Variants in GLRA1 observed in about 807,000 individuals in gnomAD.
GLRA1 encodes the protein glycine receptor alpha 1, also known as glycine receptor subunit alpha-1.
GLRA1 carries 37 observed loss-of-function variants against 48.3 expected under a neutral mutation model. The observed-to-expected ratio is 0.77, with a 90% CI of 0.59 to 1.01. The LOEUF (loss-of-function observed/expected upper bound fraction) is 1.01. GLRA1 is among the 50% of genes least tolerant of loss of function. The pLI, the probability that GLRA1 is intolerant of heterozygous loss-of-function variation, is 0.00. For missense variants in GLRA1, 427 were observed against 571.0 expected, an observed-to-expected ratio of 0.75 and a Z score of 2.57; for synonymous variants, 196 against 210.7, an observed-to-expected ratio of 0.93 and a Z score of 0.60.
intron 6 of GLRA1, among the ~76,000 whole-genome samples, chr5:151,852,049 G>T (rs1424273098): frequency 6.6e-6 from 1 of 151,856 alleles, no homozygotes; most frequent in Non-Finnish European, 1.5e-5. Context: ...AAAACCTTTG[G>T]TCTCATCCTT....
intron 4 of GLRA1, among the ~76,000 whole-genome samples, chr5:151,858,397 C>G (rs1225684729): frequency 6.6e-6 from 1 of 152,160 alleles, no homozygotes. Flanking sequence ...TTGGAAATGT[C>G]ACTTTCTGCT....
At chr5:151,861,052 G>A (rs186978170) in intron 3 of GLRA1, among the ~76,000 whole-genome samples, 61 of 152,338 alleles carry the variant, frequency 4.0e-4, no homozygotes, top group Middle Eastern at 6.8e-3. Flanking sequence ...TAAAGGACAT[G>A]CACTCATCCT....
At chr5:151,837,505 A>G (rs997596512) in intron 7 of GLRA1, among the ~76,000 whole-genome samples, 9 of 152,216 alleles carry the variant, frequency 5.9e-5, no homozygotes, top group Admixed American at 5.9e-4. Flanking sequence ...ATAAAGACAC[A>G]TGCACACGTA....
At chr5:151,861,596 T>C (rs919836535) in intron 3 of GLRA1, among the ~76,000 whole-genome samples, 1 of 152,204 alleles carries the variant, frequency 6.6e-6, no homozygotes, top group Non-Finnish European at 1.5e-5. Context: ...GCTTGTAAAT[T>C]TGTTTGAGTT....
At chr5:151,898,096 C>T (rs1047424948) in intron 1 of GLRA1, among the ~76,000 whole-genome samples, 6 of 152,134 alleles carry the variant, frequency 3.9e-5, no homozygotes, top group African/African-American at 1.4e-4. Context: ...GTGTGACCTT[C>T]AGTGAGTCAC....
At chr5:151,910,123 G>A (rs1429297788) in intron 1 of GLRA1, among the ~76,000 whole-genome samples, 1 of 152,046 alleles carries the variant, frequency 6.6e-6, no homozygotes, top group Non-Finnish European at 1.5e-5. Context: ...CTAAATACAC[G>A]AAATAGTTTC....
intron 1 of GLRA1, among the ~76,000 whole-genome samples, chr5:151,907,072 G>T (rs1424826085): frequency 6.6e-6 from 1 of 152,172 alleles, no homozygotes; most frequent in African/African-American, 2.4e-5. Context: ...GACAGCTGAG[G>T]AGTGGGCTGG....
intron 7 of GLRA1, among the ~76,000 whole-genome samples, chr5:151,833,834 G>C (rs1253885828): frequency 7.4e-6 from 1 of 134,330 alleles, no homozygotes; most frequent in Admixed American, 7.5e-5. Context: ...TGCAATCCTA[G>C]TTTCTGATAA....
intron 3 of GLRA1, among the ~76,000 whole-genome samples, chr5:151,879,710 A>G (rs1441633378): frequency 6.6e-6 from 1 of 152,148 alleles, no homozygotes; most frequent in East Asian, 1.9e-4. Flanking sequence ...TTGTCTTGGA[A>G]GAGACTTTGG....
intron 3 of GLRA1, among the ~76,000 whole-genome samples, chr5:151,878,116 A>C (rs565021254): frequency 1.3e-5 from 2 of 152,342 alleles, no homozygotes; most frequent in Non-Finnish European, 2.9e-5. Context: ...TAGAATGCTG[A>C]TAGCAATATG....
At chr5:151,893,329 TTTCTTTC>T (rs1256740456) in intron 1 of GLRA1, among the ~76,000 whole-genome samples, 12 of 149,818 alleles carry the variant, frequency 8.0e-5, no homozygotes, top group Non-Finnish European at 1.3e-4. Flanking sequence ...TCTTTCTTTC[TTTCTTTC>T]TTTCTTTCTT....
intron 5 of GLRA1, 33 bp from the exon 6 acceptor site, chr5:151,855,210 A>C (rs774562316): frequency 6.2e-7 from 1 of 1,608,376 alleles, no homozygotes; most frequent in Non-Finnish European, 8.5e-7. Context: ...AGCAGTCACC[A>C]CTCAGAAGCA....
At chr5:151,833,905 G>C (rs528227425) in intron 7 of GLRA1, among the ~76,000 whole-genome samples, 1 of 151,462 alleles carries the variant, frequency 6.6e-6, no homozygotes, top group Admixed American at 6.6e-5. Context: ...TAATGGTAAA[G>C]GGATCAATGC....
intron 1 of GLRA1, among the ~76,000 whole-genome samples, chr5:151,898,758 G>A (rs1754288251): frequency 6.6e-6 from 1 of 152,204 alleles, no homozygotes; most frequent in Non-Finnish European, 1.5e-5. Flanking sequence ...AGAGGACACT[G>A]TAAAAACGAA....
chr5:151,855,706 T>C (rs1223875744), intron 5 of GLRA1, among the ~76,000 whole-genome samples: 1 of 152,224 alleles, frequency 6.6e-6, no homozygotes, highest in African/African-American at 2.4e-5. Context: ...AAGGAAATGG[T>C]CCATTAGTTC....
At chr5:151,839,740 G>A (rs951442168) in intron 7 of GLRA1, among the ~76,000 whole-genome samples, 2 of 152,144 alleles carry the variant, frequency 1.3e-5, no homozygotes, top group Non-Finnish European at 2.9e-5. Context: ...TAGGGAAGAA[G>A]AGATACCAGA....
At chr5:151,843,755 C>T (rs181394567) in intron 7 of GLRA1, among the ~76,000 whole-genome samples, 211 of 152,278 alleles carry the variant, frequency 1.4e-3, no homozygotes, top group African/African-American at 4.6e-3. Flanking sequence ...ATTGAGAGTC[C>T]AGAAGTAAGC....
chr5:151,923,443 G>A (rs1384573436), intron 1 of GLRA1, among the ~76,000 whole-genome samples: 1 of 152,180 alleles, frequency 6.6e-6, no homozygotes, highest in Non-Finnish European at 1.5e-5. Context: ...CAATGCCACA[G>A]TAAAATATGA....
At chr5:151,904,980 A>G (rs938906582) in intron 1 of GLRA1, among the ~76,000 whole-genome samples, 1 of 152,116 alleles carries the variant, frequency 6.6e-6, no homozygotes, top group African/African-American at 2.4e-5. Context: ...GCTCTTAGTA[A>G]TTTATCTGTT....
Sources: gnomAD v4.1 joint callset for allele counts (sites outside exome capture counted in the v4.1 genomes callset) on GRCh38, gnomAD v4.1.1 for gene constraint, MANE v1.5 for transcripts, NCBI Gene and HGNC (gene_info 2026-07-23, HGNC 2026-07-21) for gene names.